Variants in EHBP1 observed in about 807,000 individuals in gnomAD.
EHBP1 encodes the protein EH domain-binding protein 1.
Under a neutral mutation model 144.0 loss-of-function variants are expected in EHBP1, and 55 were observed. That is an observed-to-expected ratio of 0.38 (90% CI 0.31 to 0.48). The LOEUF (loss-of-function observed/expected upper bound fraction) is 0.48. Ranked by LOEUF, EHBP1 falls within the 20% of genes least tolerant of loss-of-function variation. The pLI is 0.98. For missense variants in EHBP1, 1,200 were observed against 1,364.2 expected (o/e 0.88, Z 1.90); for synonymous variants, 469 against 472.7 (o/e 0.99, Z 0.10).
At position 62,845,371 on chromosome 2, in the gene EHBP1, G is replaced by A. The variant is rs569139457; in HGVS notation, c.635-13798G>A. ...CATAGTTGATAAAGTTAATTTGGGA[G>A]AAGGAAGAGAGAGTGACATATTTGG... On this transcript the variant is annotated intron_variant, in intron 7 of 22. Coordinates refer to ENST00000431489, the MANE Select transcript of EHBP1 (RefSeq NM_001142616.3). Among the ~76,000 whole-genome samples, 3 of 152,272 alleles carry A rather than the reference G, an allele frequency of 2.0e-5. No homozygotes were observed. In the South Asian group the frequency reaches 6.2e-4, roughly 32 times the overall value.
chr2:62,677,194 AAAAC>A (rs1572850146), intron 1 of EHBP1, among the ~76,000 whole-genome samples: 2 of 152,218 alleles, frequency 1.3e-5, no homozygotes, highest in African/African-American at 2.4e-5. Context: ...AGCCTGTCTC[AAAAC>A]AAACAAACAA....
At chr2:62,990,888 A>G (rs975515328) in intron 16 of EHBP1, 48 bp downstream of exon 16, 4 of 1,539,734 alleles carry the variant, frequency 2.6e-6, no homozygotes, top group East Asian at 2.3e-5. Context: ...TGTGTCTTCT[A>G]GTTTCTGCCA....
intron 21 of EHBP1, 110 bp from the exon 22 acceptor site, chr2:63,044,956 T>G: frequency 1.3e-6 from 1 of 752,266 alleles, no homozygotes; most frequent in Non-Finnish European, 2.2e-6. Flanking sequence ...GGCTCTATAA[T>G]GTGGTTTGCT....
intron 14 of EHBP1, among the ~76,000 whole-genome samples, chr2:62,967,852 A>G (rs911658641): frequency 9.2e-5 from 14 of 152,044 alleles, no homozygotes; most frequent in African/African-American, 3.4e-4. Context: ...CTTGCCAAAA[A>G]TCTTTGTTTT....
chr2:62,752,543 T>C (rs1293174950), intron 3 of EHBP1, among the ~76,000 whole-genome samples: 1 of 152,188 alleles, frequency 6.6e-6, no homozygotes, highest in African/African-American at 2.4e-5. Context: ...TTGTTAACTT[T>C]CTGTCTCGTT....
At position 63,016,592 on chromosome 2, in the gene EHBP1, G is replaced by A. The variant is rs555978069; in HGVS notation, c.3103+19826G>A. Among the ~76,000 whole-genome samples the A allele has an allele frequency of 1.1e-4, 17 of 151,906 alleles. No individual in the cohort carries two copies. The South Asian group carries it at 1.9e-3, about 17-fold the overall frequency. ...ATTACAGGTACCCACCACCACGCCC[G>A]ACTAATTTTTGTATTTTTAGTAGAG... On this transcript the variant is annotated intron_variant, in intron 19 of 22. Transcript: ENST00000431489.
chr2:62,773,536 T>C (rs1348435727), intron 5 of EHBP1, among the ~76,000 whole-genome samples: 2 of 152,084 alleles, frequency 1.3e-5, no homozygotes, highest in African/African-American at 4.8e-5. Flanking sequence ...ATAGTTAAAC[T>C]CTGTGAACTG....
At chr2:63,021,529 C>A (rs2060747840) in intron 19 of EHBP1, among the ~76,000 whole-genome samples, 1 of 152,168 alleles carries the variant, frequency 6.6e-6, no homozygotes, top group Admixed American at 6.5e-5. Context: ...TTTGAGAAAT[C>A]TATTTTAGGA....
chr2:62,923,349 A>G (rs994953871), intron 10 of EHBP1, among the ~76,000 whole-genome samples: 2 of 152,172 alleles, frequency 1.3e-5, no homozygotes, highest in African/African-American at 4.8e-5. Context: ...CCACATGCCC[A>G]TCTTCATAGG....
intron 19 of EHBP1, among the ~76,000 whole-genome samples, chr2:63,000,980 G>T (rs890437544): frequency 6.6e-6 from 1 of 152,186 alleles, no homozygotes; most frequent in Non-Finnish European, 1.5e-5. Context: ...TAAGTTTAGT[G>T]CTAATGGATC....
At chr2:62,718,202 TGATCA>T (rs1052679347) in intron 2 of EHBP1, among the ~76,000 whole-genome samples, 10 of 152,238 alleles carry the variant, frequency 6.6e-5, no homozygotes, top group Admixed American at 6.5e-4. Context: ...CCTAGTTTTC[TGATCA>T]TGTAATTTAA....
At chr2:63,010,207 A>G (rs1313297102) in intron 19 of EHBP1, among the ~76,000 whole-genome samples, 17 of 151,404 alleles carry the variant, frequency 1.1e-4, no homozygotes, top group Non-Finnish European at 2.5e-4. Flanking sequence ...GACAAGTCTT[A>G]GAGATCATCT....
At chr2:62,903,384 C>A (rs191167462) in intron 10 of EHBP1, among the ~76,000 whole-genome samples, 1 of 151,944 alleles carries the variant, frequency 6.6e-6, no homozygotes, top group African/African-American at 2.4e-5. Flanking sequence ...AGGAATGAAT[C>A]CATGCAAGAA....
chr2:62,999,997 A>G (rs2059784921), intron 19 of EHBP1, among the ~76,000 whole-genome samples: 1 of 152,200 alleles, frequency 6.6e-6, no homozygotes, highest in Non-Finnish European at 1.5e-5. Context: ...AAATAATACT[A>G]ATAGTTATTT....
At chr2:62,976,158 C>G (rs999166134) in intron 14 of EHBP1, among the ~76,000 whole-genome samples, 2 of 152,100 alleles carry the variant, frequency 1.3e-5, no homozygotes, top group African/African-American at 2.4e-5. Flanking sequence ...CTCACTGATT[C>G]AATTCATTGC....
chr2:62,930,125 C>G (rs1418516582), intron 10 of EHBP1, among the ~76,000 whole-genome samples: 3 of 152,018 alleles, frequency 2.0e-5, no homozygotes, highest in Non-Finnish European at 2.9e-5. Context: ...GGCATGCACT[C>G]ATAGTCCCAC....
chr2:62,780,939 T>C (rs1015628714), intron 5 of EHBP1, among the ~76,000 whole-genome samples: 1 of 152,226 alleles, frequency 6.6e-6, no homozygotes, highest in African/African-American at 2.4e-5. Context: ...ACATTGATCA[T>C]ACATTACAGA....
chr2:62,738,657 T>A (rs193089029), intron 2 of EHBP1, among the ~76,000 whole-genome samples: 1 of 152,350 alleles, frequency 6.6e-6, no homozygotes, highest in Admixed American at 6.5e-5. Flanking sequence ...TCTGGATTTA[T>A]CTAAATTTCC....
intron 10 of EHBP1, among the ~76,000 whole-genome samples, chr2:62,941,416 A>G (rs2153070885): frequency 6.6e-6 from 1 of 152,246 alleles, no homozygotes; most frequent in South Asian, 2.1e-4. Flanking sequence ...GCTTTTCAGC[A>G]TTGACTTTGT....
Sources: allele counts gnomAD v4.1 joint callset (sites outside exome capture counted in the v4.1 genomes callset), GRCh38; gene constraint gnomAD v4.1.1; transcripts MANE v1.5; gene names NCBI Gene and HGNC (gene_info 2026-07-23, HGNC 2026-07-21).